USP48: variants seen among roughly 807,000 people sequenced by gnomAD.
The protein encoded by USP48 is ubiquitin carboxyl-terminal hydrolase 48.
In USP48, 43 loss-of-function variants were observed where a neutral mutation model predicts 150.7. The ratio of observed to expected loss-of-function variants is 0.29; its 90% confidence interval spans 0.22 to 0.37. The LOEUF (loss-of-function observed/expected upper bound fraction) is 0.37. USP48 is among the 10% of genes least tolerant of loss of function. The probability of loss-of-function intolerance (pLI) is 1.00; values close to 1 mark genes in which losing one functional copy is unlikely to be tolerated. For missense variants in USP48, 813 were observed against 1,249.6 expected (o/e 0.65, Z 5.27); for synonymous variants, 396 against 425.9 (o/e 0.93, Z 0.86).
In USP48 at chr1:21,721,651, C is replaced by A. The variant is rs745419119; in HGVS notation, c.1762G>T (p.Gly588Cys). ...VNNLLKAAVK[G>C]SDGFWVGKSS... ...AACAATGTACACTGTGCAACATACC[C>A]CTTTACTGCTGCTTTCAGCAGATTA... Residue 588 changes from glycine (G) to cysteine (C), a missense_variant and splice_region_variant, in exon 13 of 27, where the codon GGC becomes TGC. Gly to Cys is a radical substitution (Grantham distance 159). Transcript: ENST00000308271. The A allele has an allele frequency of 1.9e-6, 3 of 1,581,248 alleles. No homozygotes were observed. In the African/African-American group the frequency reaches 4.0e-5, roughly 21 times the overall value.
intron 22 of USP48, among the ~76,000 whole-genome samples, chr1:21,700,513 A>G (rs1036319068): frequency 1.3e-5 from 2 of 152,250 alleles, no homozygotes; most frequent in African/African-American, 2.4e-5. Context: ...CAACAAGCCC[A>G]GATACCTCTG....
At position 21,724,054 on chromosome 1, in the gene USP48, A is replaced by G. The variant is rs373085185; in HGVS notation, c.1492T>C (p.Leu498=). Residue 498 remains leucine (L), a synonymous_variant, in exon 12 of 27, where the codon TTG becomes CTG. Transcript: ENST00000308271. Reference sequence around the variant, plus strand: ...GGTTTGGTAGGTGTTGATTCATCCAACCACTTTTGCAGCCATTCCAGAGAG... The same window carrying G: ...GGTTTGGTAGGTGTTGATTCATCCAGCCACTTTTGCAGCCATTCCAGAGAG... ...FVSLEWLQKW[L]DESTPTKPID... 12 of 1,614,068 alleles carry G rather than the reference A, an allele frequency of 7.4e-6. No homozygotes were observed. The highest frequency in any genetic ancestry group is 1.0e-5 in the Non-Finnish European group (12 of 1,180,038).
intron 25 of USP48, chr1:21,681,097 A>G (rs1322305509): frequency 1.6e-5 from 5 of 314,024 alleles, no homozygotes; most frequent in Non-Finnish European, 2.9e-5. Flanking sequence ...CTAGTGCACG[A>G]CTCTAGGAGT....
At chr1:21,751,728 C>T in intron 5 of USP48, 113 bp from the exon 6 acceptor site, 2 of 790,672 alleles carry the variant, frequency 2.5e-6, no homozygotes, top group Non-Finnish European at 2.0e-6. Flanking sequence ...CATTAGTTCT[C>T]CTTCACAGAA....
chr1:21,752,229 ATTTACT>A (rs1296872202), intron 5 of USP48, among the ~76,000 whole-genome samples: 2 of 152,052 alleles, frequency 1.3e-5, no homozygotes, highest in African/African-American at 2.4e-5. Context: ...GGCATTTTAC[ATTTACT>A]TTTAGTATTC....
intron 3 of USP48, among the ~76,000 whole-genome samples, chr1:21,756,337 C>A (rs1314129794): frequency 1.3e-5 from 2 of 151,634 alleles, no homozygotes; most frequent in Non-Finnish European, 2.9e-5. Context: ...AAAAACTAGC[C>A]AGGCGTGGTG....
In USP48 at chr1:21,721,162, C is replaced by T. The variant is rs201791208; in HGVS notation, c.1768G>A (p.Asp590Asn). 1.2e-4 allele frequency: 195 copies of T among 1,614,178 alleles called. No individual in the cohort carries two copies. In the East Asian group the frequency reaches 2.0e-3, roughly 17 times the overall value. The change falls in exon 14 of 27, where the codon GAT becomes AAT. Residue 590 changes from aspartate (D) to asparagine (N), a missense_variant. By Grantham distance (23) the Asp-to-Asn change is conservative (BLOSUM62 1). Transcript: ENST00000308271. ...NLLKAAVKGS[D>N]GFWVGKSSLR... Reference sequence around the variant, plus strand: ...GAGGACTTCCCCACCCAAAATCCATCGCTGCTGTGGAACAGAGAGAATGTT... The same window carrying T: ...GAGGACTTCCCCACCCAAAATCCATTGCTGCTGTGGAACAGAGAGAATGTT...
Position 21,778,075 on chromosome 1 carries a change from G to A in USP48, c.134+4749C>T, listed in dbSNP as rs190943515. On this transcript the variant is annotated intron_variant, in intron 1 of 26. Transcript: ENST00000308271. ...GGAGAATCGCTTGAACCTGGGAGGC[G>A]GAGGTTACAGTGAGCCGAGATGGCA... Among the ~76,000 whole-genome samples the A allele has an allele frequency of 1.2e-3, 189 of 151,260 alleles. 1 individual carries two copies. The highest frequency in any genetic ancestry group is 4.3e-3 in the African/African-American group (177 of 41,322).
rs930362163 is a variant in USP48 at position 21,679,254 on chromosome 1, T to C, written c.*163A>G. ...TGTCCATCAGTGCAATCTGCTTTAT[T>C]TGACATAAGGCATTTGGGACAGTCA... On this transcript the variant is annotated 3_prime_UTR_variant, in exon 27 of 27. Transcript: ENST00000308271. 187 of 855,566 alleles carry C rather than the reference T, an allele frequency of 2.2e-4. No homozygotes were observed. In the African/African-American group the frequency reaches 2.7e-3, roughly 12 times the overall value. 53.0% of individuals were successfully genotyped at this position (855,566 alleles called of 1,614,324 possible). A position where few individuals can be genotyped will look rare whatever the true frequency, so the allele number is the denominator to read the frequency against.
chr1:21,763,543 G>A (rs1007558609), intron 1 of USP48, among the ~76,000 whole-genome samples: 1 of 152,256 alleles, frequency 6.6e-6, no homozygotes, highest in African/African-American at 2.4e-5. Context: ...GCTGGGCGCA[G>A]TGGCTCACGC....
intron 15 of USP48, among the ~76,000 whole-genome samples, chr1:21,713,436 G>A (rs1462922538): frequency 6.6e-6 from 1 of 152,144 alleles, no homozygotes; most frequent in African/African-American, 2.4e-5. Context: ...TGATAGGCTG[G>A]GGAGTGGAGT....
chr1:21,679,546 A>G, intron 26 of USP48, 107 bp from the exon 27 acceptor site: 1 of 1,392,158 alleles, frequency 7.2e-7, no homozygotes, highest in Non-Finnish European at 1.0e-6. Flanking sequence ...CAAATTTAAT[A>G]AATGAACACA....
chr1:21,758,150 G>T (rs1281393792), intron 1 of USP48, among the ~76,000 whole-genome samples: 3 of 143,990 alleles, frequency 2.1e-5, no homozygotes, highest in African/African-American at 2.6e-5. Flanking sequence ...AGACAATATG[G>T]TACATCTATA....
rs113685876 is a variant in USP48 at position 21,682,737 on chromosome 1, T to C, written c.3059-1903A>G. ...TAAAAATACAAAAATTAGCTGGGCATGGTGGCAGGCGCCTGTAGTCCCAGC... is the reference window on the plus strand; with the variant it reads ...TAAAAATACAAAAATTAGCTGGGCACGGTGGCAGGCGCCTGTAGTCCCAGC... On this transcript the variant is annotated intron_variant, in intron 25 of 26. Coordinates refer to ENST00000308271, the MANE Select transcript of USP48 (RefSeq NM_032236.8). Among the ~76,000 whole-genome samples, 376 of 152,070 alleles carry C rather than the reference T, an allele frequency of 2.5e-3. 1 individual carries two copies. Among genetic ancestry groups the C allele is most frequent in the African/African-American group, 8.5e-3 (351 of 41,494 alleles).
intron 1 of USP48, among the ~76,000 whole-genome samples, chr1:21,761,180 A>G (rs1290773593): frequency 6.6e-6 from 1 of 152,186 alleles, no homozygotes; most frequent in Non-Finnish European, 1.5e-5. Context: ...TGGGGTAAAC[A>G]CACCCGTTTG....
At chr1:21,771,345 G>C (rs2097879733) in intron 1 of USP48, among the ~76,000 whole-genome samples, 1 of 150,408 alleles carries the variant, frequency 6.6e-6, no homozygotes, top group Admixed American at 6.7e-5. Context: ...CTGCAATCTA[G>C]CCTGGGCGAC....
intron 22 of USP48, among the ~76,000 whole-genome samples, chr1:21,698,739 C>T (rs938079194): frequency 6.6e-6 from 1 of 151,924 alleles, no homozygotes; most frequent in African/African-American, 2.4e-5. Context: ...CTAAAAAATA[C>T]AAAAAATTAG....
intron 15 of USP48, among the ~76,000 whole-genome samples, chr1:21,711,051 G>C (rs1026867141): frequency 1.3e-5 from 2 of 151,920 alleles, no homozygotes; most frequent in Non-Finnish European, 2.9e-5. Flanking sequence ...CTCTTGAAGT[G>C]CTGAGGTTAT....
chr1:21,705,108 T>C (rs748530906), intron 19 of USP48, among the ~76,000 whole-genome samples: 10 of 152,154 alleles, frequency 6.6e-5, no homozygotes, highest in Non-Finnish European at 1.2e-4. Flanking sequence ...TACTGAAATA[T>C]GAATAATAAA....
Sources: gnomAD v4.1 joint callset for allele counts (sites outside exome capture counted in the v4.1 genomes callset) on GRCh38, gnomAD v4.1.1 for gene constraint, MANE v1.5 for transcripts, NCBI Gene and HGNC (gene_info 2026-07-23, HGNC 2026-07-21) for gene names.